The following REDIC1 variants were observed in gnomAD, a reference collection of about 807,000 sequenced individuals.
REDIC1 encodes the protein HEI10 Interacting Protein 1.
the REDIC1 span, chr12:39,684,132 A>G: frequency 2.0e-6 from 2 of 1,000,130 alleles, no homozygotes; most frequent in Non-Finnish European, 2.4e-6. Flanking sequence ...TGGTGTACAA[A>G]ATGTTCTGAG....
chr12:39,704,243 C>T, the REDIC1 span, among the ~76,000 whole-genome samples: 1 of 152,032 alleles, frequency 6.6e-6, no homozygotes, highest in Non-Finnish European at 1.5e-5. Context: ...AAAACAACCC[C>T]ATCAAAAAGT....
the REDIC1 span, among the ~76,000 whole-genome samples, chr12:39,726,630 G>C: frequency 6.6e-6 from 1 of 152,112 alleles, no homozygotes; most frequent in South Asian, 2.1e-4. Flanking sequence ...ACACACATGT[G>C]CATGTGTCTT....
the REDIC1 span, among the ~76,000 whole-genome samples, chr12:39,782,862 G>A: frequency 1.3e-5 from 2 of 152,072 alleles, no homozygotes; most frequent in East Asian, 1.9e-4. Context: ...GGTGACTCTT[G>A]TTATTTTTAT....
chr12:39,631,475 AAGAAC>A, the REDIC1 span, among the ~76,000 whole-genome samples: 1 of 151,980 alleles, frequency 6.6e-6, no homozygotes, highest in South Asian at 2.1e-4. Flanking sequence ...TTTTTTGTAG[AAGAAC>A]AGAATGCAAT....
the REDIC1 span, chr12:39,872,092 G>T: frequency 1.6e-6 from 1 of 634,724 alleles, no homozygotes; most frequent in Non-Finnish European, 2.4e-6. Flanking sequence ...AAATTAACGT[G>T]GGAATTCATG....
At chr12:39,904,494 T>C in the REDIC1 span, among the ~76,000 whole-genome samples, 2 of 152,134 alleles carry the variant, frequency 1.3e-5, no homozygotes, top group African/African-American at 2.4e-5. Flanking sequence ...ATATTGCCTT[T>C]CTTATGGTAT....
the REDIC1 span, among the ~76,000 whole-genome samples, chr12:39,773,061 T>G: frequency 1.3e-5 from 2 of 152,222 alleles, no homozygotes; most frequent in African/African-American, 4.8e-5. Flanking sequence ...AATATCCTCA[T>G]GCTTTCCTGG....
At chr12:39,730,665 T>G in the REDIC1 span, among the ~76,000 whole-genome samples, 78 of 152,318 alleles carry the variant, frequency 5.1e-4, 1 homozygote, top group African/African-American at 1.8e-3. Flanking sequence ...GGAGTATCTT[T>G]GTGGTATTCT....
the REDIC1 span, among the ~76,000 whole-genome samples, chr12:39,696,503 A>G: frequency 8.4e-6 from 1 of 119,240 alleles, no homozygotes; most frequent in Admixed American, 1.0e-4. Flanking sequence ...AGATCCCGCC[A>G]CTGCACTCCA....
the REDIC1 span, among the ~76,000 whole-genome samples, chr12:39,768,777 T>G: frequency 1.3e-5 from 2 of 151,868 alleles, no homozygotes; most frequent in African/African-American, 4.8e-5. Flanking sequence ...TGAAATAATG[T>G]GAGAATTACC....
chr12:39,829,744 G>C, the REDIC1 span: 1 of 258,400 alleles, frequency 3.9e-6, no homozygotes, highest in African/African-American at 2.2e-5. Context: ...TGACTTTACA[G>C]TTTTCTTTCA....
At chr12:39,737,188 A>G in the REDIC1 span, among the ~76,000 whole-genome samples, 1 of 152,236 alleles carries the variant, frequency 6.6e-6, no homozygotes, top group Admixed American at 6.5e-5. Context: ...ATTGGAGCAC[A>G]ACCCAGAATA....
chr12:39,819,069 A>G, the REDIC1 span, among the ~76,000 whole-genome samples: 1 of 152,306 alleles, frequency 6.6e-6, no homozygotes, highest in African/African-American at 2.4e-5. Context: ...GGAAAACAGT[A>G]TAGTTATATA....
chr12:39,699,268 C>T, the REDIC1 span, among the ~76,000 whole-genome samples: 97 of 152,248 alleles, frequency 6.4e-4, no homozygotes, highest in Admixed American at 2.2e-3. Flanking sequence ...CGAAGCTGGG[C>T]GAGGCATTGC....
chr12:39,797,727 A>AAC, the REDIC1 span, among the ~76,000 whole-genome samples: 460 of 84,056 alleles, frequency 5.5e-3, 3 homozygotes, highest in South Asian at 0.019. Flanking sequence ...AGTTATGGTA[A>AAC]ACACACACAC....
chr12:39,707,086 A>G, the REDIC1 span, among the ~76,000 whole-genome samples: 1 of 151,946 alleles, frequency 6.6e-6, no homozygotes, highest in Non-Finnish European at 1.5e-5. Flanking sequence ...ACAACCCACA[A>G]TGGGAGAAAA....
the REDIC1 span, among the ~76,000 whole-genome samples, chr12:39,856,932 A>G: frequency 6.6e-6 from 1 of 152,348 alleles, no homozygotes; most frequent in Middle Eastern, 3.4e-3. Flanking sequence ...TCTTTATTAT[A>G]AGAAAATACA....
At chr12:39,896,403 T>C in the REDIC1 span, among the ~76,000 whole-genome samples, 4 of 140,444 alleles carry the variant, frequency 2.8e-5, no homozygotes, top group Non-Finnish European at 4.6e-5. Flanking sequence ...TATATATGTA[T>C]ACATATATGT....
At chr12:39,745,502 A>G in the REDIC1 span, among the ~76,000 whole-genome samples, 1 of 152,200 alleles carries the variant, frequency 6.6e-6, no homozygotes, top group Non-Finnish European at 1.5e-5. Flanking sequence ...TGTTTTGGAT[A>G]TAGGATTTTT....
Sources: allele counts gnomAD v4.1 joint callset (sites outside exome capture counted in the v4.1 genomes callset), GRCh38; gene constraint gnomAD v4.1.1; transcripts MANE v1.5; gene names NCBI Gene and HGNC (gene_info 2026-07-23, HGNC 2026-07-21).